CCNY: variants seen among roughly 807,000 people sequenced by gnomAD.
CCNY encodes the protein cyclin Y.
In CCNY, 19 loss-of-function variants were observed where a neutral mutation model predicts 42.8. The ratio of observed to expected loss-of-function variants is 0.44; its 90% CI spans 0.31 to 0.65. The LOEUF is 0.65. Among genes scored for constraint, CCNY ranks in the 30% least tolerant of loss-of-function variants. CCNY has a pLI of 0.07. For missense variants in CCNY, 370 were observed against 437.3 expected, an observed-to-expected ratio of 0.85 and a Z score of 1.37; for synonymous variants, 165 against 162.7, an observed-to-expected ratio of 1.01 and a Z score of -0.11.
intron 1 of CCNY, among the ~76,000 whole-genome samples, chr10:35,359,729 CTTCCCAAACTGAGACT>C (rs1206792057): frequency 6.6e-6 from 1 of 152,190 alleles, no homozygotes; most frequent in African/African-American, 2.4e-5. Context: ...AGAACTACTT[CTTCCCAAACTGAGACT>C]CCGTGCTAAG....
At chr10:35,388,980 G>T (rs1837353399) in intron 1 of CCNY, among the ~76,000 whole-genome samples, 1 of 152,134 alleles carries the variant, frequency 6.6e-6, no homozygotes, top group African/African-American at 2.4e-5. Flanking sequence ...CACTTTTAAG[G>T]AGATTGCTTT....
intron 1 of CCNY, among the ~76,000 whole-genome samples, chr10:35,343,494 A>G (rs546399281): frequency 4.0e-5 from 6 of 148,774 alleles, no homozygotes; most frequent in Non-Finnish European, 7.4e-5. Flanking sequence ...GGTTGAAGCA[A>G]TTCCCCTGCC....
At chr10:35,396,597 T>C (rs1837532396) in intron 1 of CCNY, among the ~76,000 whole-genome samples, 1 of 152,220 alleles carries the variant, frequency 6.6e-6, no homozygotes, top group Non-Finnish European at 1.5e-5. Flanking sequence ...GGCAAGGCCA[T>C]GGTGGGGAGA....
chr10:35,488,338 A>G (rs1839827781), intron 2 of CCNY, among the ~76,000 whole-genome samples: 1 of 152,158 alleles, frequency 6.6e-6, no homozygotes, highest in Non-Finnish European at 1.5e-5. Context: ...TGCGTGGTGA[A>G]ACAACCACCC....
intron 3 of CCNY, among the ~76,000 whole-genome samples, chr10:35,508,130 A>T (rs567548065): frequency 6.6e-6 from 1 of 152,246 alleles, no homozygotes; most frequent in South Asian, 2.1e-4. Flanking sequence ...TGACCGAATC[A>T]ATCTTTATTA....
intron 5 of CCNY, 53 bp downstream of exon 5, chr10:35,526,052 G>A (rs1454862220): frequency 2.7e-6 from 4 of 1,498,552 alleles, no homozygotes; most frequent in Middle Eastern, 3.6e-4. Context: ...CTGTTATGTT[G>A]TTCCTATTTT....
intron 7 of CCNY, among the ~76,000 whole-genome samples, chr10:35,541,190 CTTTCA>C (rs1361403090): frequency 6.6e-6 from 1 of 151,906 alleles, no homozygotes; most frequent in Non-Finnish European, 1.5e-5. Flanking sequence ...CTGGGTTATA[CTTTCA>C]TTTCCATAGA....
At chr10:35,307,715 T>A (rs944896371) in intron 3 of CCNY, among the ~76,000 whole-genome samples, 1 of 150,596 alleles carries the variant, frequency 6.6e-6, no homozygotes. Flanking sequence ...TGTATATATA[T>A]ACACACACAC....
At chr10:35,371,684 T>C (rs1836940679) in intron 1 of CCNY, among the ~76,000 whole-genome samples, 1 of 151,978 alleles carries the variant, frequency 6.6e-6, no homozygotes, top group South Asian at 2.1e-4. Flanking sequence ...TCCCATGGCA[T>C]GGGAAGCTGG....
intron 2 of CCNY, among the ~76,000 whole-genome samples, chr10:35,485,594 G>A (rs1380950419): frequency 2.6e-5 from 4 of 152,070 alleles, no homozygotes; most frequent in East Asian, 3.9e-4. Context: ...GTGTGGTGGC[G>A]GGCACCTGTA....
chr10:35,322,204 A>C (rs1835829358), intron 3 of CCNY, among the ~76,000 whole-genome samples: 1 of 152,124 alleles, frequency 6.6e-6, no homozygotes, highest in Admixed American at 6.6e-5. Context: ...AAATACAAAA[A>C]TTAGCTGGGC....
At chr10:35,429,186 A>G (rs1338535923) in intron 1 of CCNY, among the ~76,000 whole-genome samples, 1 of 152,226 alleles carries the variant, frequency 6.6e-6, no homozygotes, top group Admixed American at 6.5e-5. Flanking sequence ...AAAGCAACAT[A>G]TTGAAACAGA....
intron 7 of CCNY, among the ~76,000 whole-genome samples, chr10:35,547,531 C>T (rs1841142255): frequency 6.6e-6 from 1 of 152,160 alleles, no homozygotes; most frequent in South Asian, 2.1e-4. Flanking sequence ...GTCTCACAAG[C>T]CAAGGACTCA....
intron 9 of CCNY, among the ~76,000 whole-genome samples, chr10:35,566,922 C>T (rs1299445376): frequency 6.6e-6 from 1 of 152,004 alleles, no homozygotes; most frequent in Non-Finnish European, 1.5e-5. Flanking sequence ...TTATGTTGGC[C>T]AGGCTGGTCT....
chr10:35,337,110 C>A lies in CCNY; in HGVS notation c.57C>A (p.Ala19=). ...VSSSPKLRRN[A]HSRLESYRPD... Reference sequence around the variant, plus strand: ...CCAGTCCCAAGCTCCGGAGGAATGCCCACTCCCGGCTGGAGTCCTACCGGC... The same window carrying A: ...CCAGTCCCAAGCTCCGGAGGAATGCACACTCCCGGCTGGAGTCCTACCGGC... Residue 19 remains alanine (A), a synonymous_variant, in exon 1 of 10, where the codon GCC becomes GCA. Transcript: ENST00000374704. 1 of 1,593,778 alleles carries A rather than the reference C, an allele frequency of 6.3e-7. No homozygotes were observed. The highest frequency in any genetic ancestry group is 8.5e-7 in the Non-Finnish European group (1 of 1,172,100).
chr10:35,524,074 T>G (rs1840601748), intron 4 of CCNY, among the ~76,000 whole-genome samples: 1 of 152,184 alleles, frequency 6.6e-6, no homozygotes. Flanking sequence ...ATTCCTCCCT[T>G]TCCCAGAGGC....
Position 35,323,148 on chromosome 10 carries a change from C to T in CCNY, c.-9+72522C>T, listed in dbSNP as rs1172675320. Among the ~76,000 whole-genome samples, 7 of 152,186 alleles carry T rather than the reference C, an allele frequency of 4.6e-5. No individual in the cohort carries two copies. In the East Asian group the frequency reaches 7.7e-4, roughly 17 times the overall value. ...TTCGTCATGTTGGCCAGGCTGGTCTCGAACTCCTGACCTCAGGTGATCTGC... is the reference window on the plus strand; with the variant it reads ...TTCGTCATGTTGGCCAGGCTGGTCTTGAACTCCTGACCTCAGGTGATCTGC... On this transcript the variant is annotated intron_variant, in intron 3 of 11. Coordinates refer to the CCNY transcript ENST00000374706.
At chr10:35,540,564 C>CTTTTTTTTTTTT (rs561129843) in intron 7 of CCNY, among the ~76,000 whole-genome samples, 1 of 144,808 alleles carries the variant, frequency 6.9e-6, no homozygotes, top group African/African-American at 2.5e-5. Flanking sequence ...ATTCCTTCTA[C>CTTTTTTTTTTTT]TTTTTTTTTT....
chr10:35,258,085 T>C (rs2095716899), intron 3 of CCNY, among the ~76,000 whole-genome samples: 1 of 152,192 alleles, frequency 6.6e-6, no homozygotes, highest in Non-Finnish European at 1.5e-5. Context: ...TTTGTTTCTT[T>C]GGGAGGCAGA....
Sources: gnomAD v4.1 joint callset for allele counts (sites outside exome capture counted in the v4.1 genomes callset) on GRCh38, gnomAD v4.1.1 for gene constraint, MANE v1.5 for transcripts, NCBI Gene and HGNC (gene_info 2026-07-23, HGNC 2026-07-21) for gene names.